The following ATP10D variants were observed in gnomAD, a reference collection of about 807,000 sequenced individuals.
The protein encoded by ATP10D is ATPase phospholipid transporting 10D (putative).
ATP10D carries 89 observed loss-of-function variants against 144.8 expected under a neutral mutation model. That is an observed-to-expected ratio of 0.61 (90% confidence interval 0.52 to 0.73). ATP10D has a LOEUF of 0.73. ATP10D is among the 30% of genes least tolerant of loss of function. The pLI is 0.00. For synonymous variants in ATP10D, 571 were observed against 615.1 expected (o/e 0.93, Z 1.06); for missense variants, 1,603 against 1,714.8 (o/e 0.93, Z 1.15).
intron 1 of ATP10D, among the ~76,000 whole-genome samples, chr4:47,503,673 G>GA (rs1484050819): frequency 6.6e-6 from 1 of 152,120 alleles, no homozygotes; most frequent in Admixed American, 6.5e-5. Context: ...AAGGTGGGAG[G>GA]ATTGCTTGAG....
At chr4:47,538,091 A>G (rs1717941509) in intron 9 of ATP10D, among the ~76,000 whole-genome samples, 1 of 152,172 alleles carries the variant, frequency 6.6e-6, no homozygotes, top group African/African-American at 2.4e-5. Flanking sequence ...GCCATAATGT[A>G]ATGAAGTTAC....
chr4:47,505,332 G>A (rs1221957017), intron 1 of ATP10D, among the ~76,000 whole-genome samples: 1 of 152,176 alleles, frequency 6.6e-6, no homozygotes, highest in East Asian at 1.9e-4. Flanking sequence ...CTCAGGGTGT[G>A]GTCCCCAGGA....
chr4:47,494,482 A>C (rs886472061), intron 1 of ATP10D, among the ~76,000 whole-genome samples: 7 of 150,320 alleles, frequency 4.7e-5, no homozygotes, highest in African/African-American at 1.7e-4. Context: ...GTATTCTTTT[A>C]ATATACTTTG....
chr4:47,531,505 G>C (rs1414277494), intron 5 of ATP10D, among the ~76,000 whole-genome samples: 1 of 152,174 alleles, frequency 6.6e-6, no homozygotes, highest in African/African-American at 2.4e-5. Context: ...ATCATGAAGA[G>C]GCCAGAGCCT....
intron 18 of ATP10D, among the ~76,000 whole-genome samples, chr4:47,575,552 A>G (rs1464001309): frequency 2.6e-5 from 4 of 152,158 alleles, no homozygotes; most frequent in African/African-American, 9.7e-5. Context: ...TTATGAACCC[A>G]GAAGGCAAGA....
intron 10 of ATP10D, among the ~76,000 whole-genome samples, chr4:47,554,019 A>G (rs908966449): frequency 6.6e-6 from 1 of 152,208 alleles, no homozygotes. Context: ...TTAGATTTCT[A>G]CTACAACATT....
At chr4:47,587,309 G>C in intron 22 of ATP10D, 103 bp downstream of exon 22, 1 of 1,045,988 alleles carries the variant, frequency 9.6e-7, no homozygotes, top group East Asian at 2.4e-5. Context: ...ACCCTGTTTA[G>C]TAGTGAGAAA....
intron 21 of ATP10D, among the ~76,000 whole-genome samples, chr4:47,585,673 C>G (rs1168360504): frequency 6.6e-6 from 1 of 152,148 alleles, no homozygotes; most frequent in East Asian, 1.9e-4. Flanking sequence ...TGATAACCAT[C>G]CTTCTACTTT....
intron 21 of ATP10D, 123 bp downstream of exon 21, chr4:47,582,187 G>T: frequency 1.3e-6 from 1 of 789,080 alleles, no homozygotes; most frequent in African/African-American, 1.7e-5. Flanking sequence ...TGGGAGAAGG[G>T]TGATCACAGC....
intron 1 of ATP10D, among the ~76,000 whole-genome samples, chr4:47,505,923 C>T (rs1202987993): frequency 2.6e-5 from 4 of 152,002 alleles, no homozygotes; most frequent in Non-Finnish European, 5.9e-5. Context: ...TTTAAAAATG[C>T]TAACTGAGCC....
intron 10 of ATP10D, among the ~76,000 whole-genome samples, chr4:47,549,587 T>C (rs1274228071): frequency 6.6e-6 from 1 of 152,232 alleles, no homozygotes; most frequent in East Asian, 1.9e-4. Flanking sequence ...GGATATAAAG[T>C]GAATAAGACG....
At chr4:47,565,159 A>C (rs935241139) in intron 15 of ATP10D, among the ~76,000 whole-genome samples, 1 of 152,086 alleles carries the variant, frequency 6.6e-6, no homozygotes, top group African/African-American at 2.4e-5. Flanking sequence ...ACGGGGTTTC[A>C]CCGTGTTAGC....
At chr4:47,512,867 A>C in intron 2 of ATP10D, 37 bp downstream of exon 2, 32 of 1,529,730 alleles carry the variant, frequency 2.1e-5, no homozygotes, top group Non-Finnish European at 2.5e-5. Flanking sequence ...TTAGAATATC[A>C]TTCTAGTTGA....
intron 4 of ATP10D, 105 bp downstream of exon 4, chr4:47,523,321 C>T (rs1717065059): frequency 2.1e-6 from 2 of 948,070 alleles, no homozygotes; most frequent in Non-Finnish European, 3.2e-6. Flanking sequence ...TCATTTTCAC[C>T]AGGATGAAAT....
rs543298578 is a variant in ATP10D at position 47,563,679 on chromosome 4, A to C, written c.2767A>C (p.Lys923Gln). 1.2e-6 allele frequency: 2 copies of C among 1,614,038 alleles called. No homozygotes were observed. The highest frequency in any genetic ancestry group is 1.7e-5 in the Admixed American group (1 of 60,020). The change falls in exon 15 of 23, where the codon AAG becomes CAG. Residue 923 changes from lysine (K) to glutamine (Q), a missense_variant. Coordinates refer to ENST00000273859, the MANE Select transcript of ATP10D (RefSeq NM_020453.4). ...CAAGATCTGGATGCTGACAGGGGAC[A>C]AGCAGGAGACAGCTGTCAACATAGC... ...GIKIWMLTGD[K>Q]QETAVNIAYA...
chr4:47,572,294 C>T, intron 17 of ATP10D, 64 bp downstream of exon 17: 2 of 1,436,112 alleles, frequency 1.4e-6, no homozygotes, highest in Admixed American at 3.4e-5. Context: ...GCAGCATTCT[C>T]CATGGTAAAT....
At chr4:47,495,807 G>A (rs1212461502) in intron 1 of ATP10D, among the ~76,000 whole-genome samples, 5 of 149,390 alleles carry the variant, frequency 3.3e-5, no homozygotes, top group Non-Finnish European at 5.9e-5. Flanking sequence ...GTGCAATCTC[G>A]GCTCACTGCA....
chr4:47,568,441 T>C (rs1719753846), intron 15 of ATP10D, among the ~76,000 whole-genome samples: 2 of 152,216 alleles, frequency 1.3e-5, no homozygotes, highest in Admixed American at 1.3e-4. Flanking sequence ...CACAACAAGA[T>C]TATGATGGAA....
chr4:47,553,902 A>G (rs1253884084), intron 10 of ATP10D, among the ~76,000 whole-genome samples: 1 of 152,208 alleles, frequency 6.6e-6, no homozygotes, highest in African/African-American at 2.4e-5. Context: ...TAGGACTCTT[A>G]GAATACAATG....
Sources: allele counts gnomAD v4.1 joint callset (sites outside exome capture counted in the v4.1 genomes callset), GRCh38; gene constraint gnomAD v4.1.1; transcripts MANE v1.5; gene names NCBI Gene and HGNC (gene_info 2026-07-23, HGNC 2026-07-21).